TADA2A: variants seen among roughly 807,000 people sequenced by gnomAD.
TADA2A encodes the protein transcriptional adapter 2-alpha.
TADA2A carries 38 observed loss-of-function variants against 67.4 expected under a neutral mutation model. The observed-to-expected ratio is 0.56, with a 90% CI of 0.44 to 0.74. The LOEUF (loss-of-function observed/expected upper bound fraction) is 0.74, where lower values mean the gene tolerates loss of function less well. TADA2A is among the 30% of genes least tolerant of loss of function. The pLI is 0.00. For missense variants in TADA2A, 454 were observed against 547.0 expected (o/e 0.83, Z 1.70); for synonymous variants, 192 against 181.6 (o/e 1.06, Z -0.46).
intron 8 of TADA2A, among the ~76,000 whole-genome samples, chr17:37,453,056 G>A (rs2053276692): frequency 6.6e-6 from 1 of 152,142 alleles, no homozygotes; most frequent in African/African-American, 2.4e-5. Context: ...AGTACTCCTG[G>A]ACATCTCCCA....
chr17:37,467,622 C>A, intron 12 of TADA2A, 97 bp downstream of exon 12: 2 of 1,093,284 alleles, frequency 1.8e-6, no homozygotes, highest in African/African-American at 1.6e-5. Context: ...TTTTAAAAAA[C>A]AAGCTTTCCT....
At chr17:37,439,135 C>CT (rs1336399316) in intron 5 of TADA2A, among the ~76,000 whole-genome samples, 1 of 152,056 alleles carries the variant, frequency 6.6e-6, no homozygotes, top group Non-Finnish European at 1.5e-5. Flanking sequence ...GACAGTCTCA[C>CT]TTTATCACCC....
chr17:37,419,728 A>G, intron 2 of TADA2A, among the ~76,000 whole-genome samples: 1 of 143,146 alleles, frequency 7.0e-6, no homozygotes, highest in Middle Eastern at 3.4e-3. Flanking sequence ...CAGTGAGCTG[A>G]GATCAAGCCA....
intron 10 of TADA2A, 44 bp downstream of exon 10, chr17:37,462,165 A>G (rs2053561581): frequency 7.8e-7 from 1 of 1,287,540 alleles, no homozygotes; most frequent in African/African-American, 1.5e-5. Flanking sequence ...TTTTTCCAAT[A>G]TTATTGAATA....
chr17:37,425,605 A>C (rs2095121165), intron 3 of TADA2A, among the ~76,000 whole-genome samples: 1 of 152,166 alleles, frequency 6.6e-6, no homozygotes, highest in African/African-American at 2.4e-5. Context: ...GGCTGATGAA[A>C]GTTGTGATGT....
chr17:37,429,166 C>T (rs551329180), intron 4 of TADA2A, among the ~76,000 whole-genome samples: 8 of 151,998 alleles, frequency 5.3e-5, no homozygotes, highest in Non-Finnish European at 1.2e-4. Context: ...CTCCTGGGCT[C>T]AAGTGATCCT....
intron 2 of TADA2A, among the ~76,000 whole-genome samples, chr17:37,419,886 G>C (rs1163357420): frequency 1.4e-5 from 2 of 145,000 alleles, no homozygotes; most frequent in African/African-American, 5.0e-5. Context: ...GTGGTGGTGT[G>C]CACTTGTAGT....
intron 8 of TADA2A, chr17:37,454,714 G>T: frequency 2.9e-6 from 1 of 346,040 alleles, no homozygotes; most frequent in East Asian, 7.8e-5. Context: ...TCAAATTCCA[G>T]AAGGCCATTA....
At chr17:37,445,291 A>T (rs1044149713) in intron 8 of TADA2A, among the ~76,000 whole-genome samples, 14 of 152,256 alleles carry the variant, frequency 9.2e-5, no homozygotes, top group Non-Finnish European at 1.8e-4. Context: ...TTTGAGACGG[A>T]GTCTCACTCT....
Position 37,474,629 on chromosome 17 carries a change from G to C in TADA2A, c.1146G>C (p.Glu382Asp). 6.2e-7 allele frequency: 1 copy of C among 1,610,230 alleles called. No homozygotes were observed. The highest frequency in any genetic ancestry group is 8.5e-7 in the Non-Finnish European group (1 of 1,177,980). ...GTEKLNEKEK[E>D]LCQMVRLVPG... ...AGAAGCTGAATGAAAAAGAAAAGGAGGTAACAAAAGGGAGGGGGCTGGGAG... is the reference window on the plus strand; with the variant it reads ...AGAAGCTGAATGAAAAAGAAAAGGACGTAACAAAAGGGAGGGGGCTGGGAG... Residue 382 changes from glutamate (E) to aspartate (D), a missense_variant and splice_region_variant, in exon 15 of 16, where the codon GAG becomes GAC. Glu to Asp is a conservative substitution (Grantham distance 45). This residue lies in a region of TADA2A where 51 missense variants were observed against 91.5 expected (regional missense o/e 0.56). Transcript: ENST00000615182.
intron 8 of TADA2A, among the ~76,000 whole-genome samples, chr17:37,449,712 TG>T (rs1300105247): frequency 2.7e-4 from 41 of 151,594 alleles, no homozygotes; most frequent in African/African-American, 9.7e-4. Flanking sequence ...CTCAACCTCC[TG>T]GGCTCAAACT....
chr17:37,415,955 A>T (rs980790990), intron 2 of TADA2A, among the ~76,000 whole-genome samples: 5 of 150,940 alleles, frequency 3.3e-5, no homozygotes, highest in African/African-American at 1.2e-4. Context: ...TGCCAATCTG[A>T]TGGGTGAGAA....
At chr17:37,458,885 C>G (rs2053474380) in intron 9 of TADA2A, among the ~76,000 whole-genome samples, 1 of 152,004 alleles carries the variant, frequency 6.6e-6, no homozygotes, top group Non-Finnish European at 1.5e-5. Flanking sequence ...GCTGTGTTGG[C>G]CAGGCTGGTC....
chr17:37,461,494 G>A (rs907228690), intron 9 of TADA2A, among the ~76,000 whole-genome samples: 8 of 152,184 alleles, frequency 5.3e-5, no homozygotes, highest in African/African-American at 1.9e-4. Flanking sequence ...ACTTTGCCTG[G>A]TTTAAATTCT....
intron 10 of TADA2A, 140 bp downstream of exon 10, chr17:37,462,261 C>G (rs1420845121): frequency 5.1e-6 from 3 of 589,760 alleles, no homozygotes; most frequent in East Asian, 3.2e-5. Context: ...GTAAGAATCT[C>G]TGGGGTTGGA....
At position 37,478,150 on chromosome 17, in the gene TADA2A, T is replaced by C. The variant is rs185055011; in HGVS notation, c.*1168T>C. ...AAAAAACAAAAAAAAACCTTTAATG[T>C]CTGGCTTTGTACTTTGCAGTCTGCC... On this transcript the variant is annotated 3_prime_UTR_variant, in exon 16 of 16. Transcript: ENST00000615182. 9 of 152,074 alleles carry C rather than the reference T, an allele frequency of 5.9e-5. No individual in the cohort carries two copies. The East Asian group carries it at 1.5e-3, about 26-fold the overall frequency. The allele number at this position is 152,074 out of a possible 1,614,324, so 9.4% of individuals were successfully genotyped here. A position where few individuals can be genotyped will look rare whatever the true frequency, so the allele number is the denominator to read the frequency against.
chr17:37,435,524 G>A (rs919613229), intron 4 of TADA2A, among the ~76,000 whole-genome samples: 5 of 152,038 alleles, frequency 3.3e-5, no homozygotes, highest in Middle Eastern at 3.2e-3. Flanking sequence ...TCCTGACCTC[G>A]TGATCTGCCC....
chr17:37,446,598 TA>T (rs5820218), intron 8 of TADA2A, among the ~76,000 whole-genome samples: 17 of 147,390 alleles, frequency 1.2e-4, no homozygotes, highest in Admixed American at 2.0e-4. Context: ...ACCCTGTCTC[TA>T]AAAAAAAAAA....
intron 3 of TADA2A, 137 bp from the exon 4 acceptor site, chr17:37,426,813 T>C: frequency 1.4e-6 from 1 of 696,484 alleles, no homozygotes; most frequent in Non-Finnish European, 2.4e-6. Flanking sequence ...CCACTGCACT[T>C]CGGCCTGGGT....
Sources: gnomAD v4.1 joint callset for allele counts (sites outside exome capture counted in the v4.1 genomes callset) on GRCh38, gnomAD v4.1.1 for gene constraint, gnomAD v4.1.1 regional missense constraint, MANE v1.5 for transcripts, NCBI Gene and HGNC (gene_info 2026-07-23, HGNC 2026-07-21) for gene names.